Variants in ZBTB20 observed in about 807,000 individuals in gnomAD.
The protein encoded by ZBTB20 is zinc finger and BTB domain-containing protein 20.
In ZBTB20, 9 loss-of-function variants were observed where a neutral mutation model predicts 56.9. That is an observed-to-expected ratio of 0.16 (90% CI 0.10 to 0.28). The LOEUF (loss-of-function observed/expected upper bound fraction) is 0.28. Among genes scored for constraint, ZBTB20 ranks in the 10% least tolerant of loss-of-function variants. ZBTB20 has a pLI of 1.00. For synonymous variants in ZBTB20, 417 were observed against 420.7 expected (o/e 0.99, Z 0.11); for missense variants, 655 against 1,003.0 (o/e 0.65, Z 4.69).
intron 6 of ZBTB20, among the ~76,000 whole-genome samples, chr3:114,536,081 C>T (rs1024179882): frequency 6.6e-6 from 1 of 152,198 alleles, no homozygotes; most frequent in Non-Finnish European, 1.5e-5. Context: ...CCTCTGAAAA[C>T]TAGCACAAGA....
At chr3:114,687,365 T>C (rs1443095043) in intron 6 of ZBTB20, 1 of 149,930 alleles carries the variant, frequency 6.7e-6, no homozygotes, top group African/African-American at 2.4e-5. Context: ...GTACCGGCAC[T>C]AAAAAAAAAT....
chr3:114,646,575 T>C (rs2059851623), intron 6 of ZBTB20, among the ~76,000 whole-genome samples: 1 of 152,224 alleles, frequency 6.6e-6, no homozygotes, highest in Non-Finnish European at 1.5e-5. Flanking sequence ...TTCCAGCTCA[T>C]TGTATATTGG....
chr3:114,787,368 T>TATACACACACACACACAC (rs1433434685), intron 5 of ZBTB20, among the ~76,000 whole-genome samples: 1 of 106,332 alleles, frequency 9.4e-6, no homozygotes, highest in African/African-American at 4.5e-5. Flanking sequence ...TATATATATA[T>TATACACACACACACACAC]ACACACACAC....
At chr3:114,697,061 TAAA>T (rs35130350) in intron 5 of ZBTB20, among the ~76,000 whole-genome samples, 4 of 110,812 alleles carry the variant, frequency 3.6e-5, no homozygotes, top group Admixed American at 9.3e-5. Flanking sequence ...TGTACTTTGT[TAAA>T]AAAAAAAAAA....
intron 6 of ZBTB20, among the ~76,000 whole-genome samples, chr3:114,501,287 C>A (rs1011214569): frequency 7.9e-5 from 12 of 152,286 alleles, no homozygotes; most frequent in African/African-American, 2.9e-4. Context: ...CTGACCCTAA[C>A]AGTGTTCTTG....
intron 5 of ZBTB20, among the ~76,000 whole-genome samples, chr3:114,741,087 C>T (rs2066536584): frequency 6.6e-6 from 1 of 152,174 alleles, no homozygotes; most frequent in Non-Finnish European, 1.5e-5. Flanking sequence ...CGGTTACCAC[C>T]ATGGAACATG....
At chr3:114,853,999 C>A (rs540817678) in intron 4 of ZBTB20, among the ~76,000 whole-genome samples, 1 of 152,254 alleles carries the variant, frequency 6.6e-6, no homozygotes, top group South Asian at 2.1e-4. Context: ...AAAATCTTTA[C>A]AATGAGTTCC....
intron 3 of ZBTB20, among the ~76,000 whole-genome samples, chr3:114,921,180 T>C (rs749294652): frequency 2.0e-5 from 3 of 152,190 alleles, no homozygotes; most frequent in African/African-American, 4.8e-5. Context: ...TGCAGTGCAA[T>C]GGTGTGACCT....
intron 10 of ZBTB20, among the ~76,000 whole-genome samples, chr3:114,374,590 A>G (rs1306547639): frequency 2.0e-5 from 3 of 152,170 alleles, no homozygotes; most frequent in Non-Finnish European, 4.4e-5. Context: ...CAGATGGACC[A>G]TTTTTGTCCT....
At chr3:114,713,427 C>T (rs1285328051) in intron 5 of ZBTB20, among the ~76,000 whole-genome samples, 1 of 152,092 alleles carries the variant, frequency 6.6e-6, no homozygotes, top group African/African-American at 2.4e-5. Context: ...AAAGATTAAA[C>T]TCCAAAAGTA....
intron 3 of ZBTB20, among the ~76,000 whole-genome samples, chr3:114,928,222 G>A (rs1239592864): frequency 6.6e-6 from 1 of 152,324 alleles, no homozygotes; most frequent in East Asian, 1.9e-4. Flanking sequence ...AGCTTTATCT[G>A]TCGTCTGAGG....
chr3:114,522,865 A>C (rs1481316541), intron 6 of ZBTB20, among the ~76,000 whole-genome samples: 1 of 152,152 alleles, frequency 6.6e-6, no homozygotes, highest in Non-Finnish European at 1.5e-5. Context: ...TGGTATGTCA[A>C]GTTTGAGATG....
intron 5 of ZBTB20, among the ~76,000 whole-genome samples, chr3:114,755,121 T>C (rs1217957239): frequency 6.6e-6 from 1 of 152,170 alleles, no homozygotes; most frequent in Admixed American, 6.5e-5. Context: ...AATCCTGATA[T>C]AGGTAATCCC....
rs1404284254 is a variant in ZBTB20, at chr3:114,319,308, T to A, written c.*19697A>T. On this transcript the variant is annotated 3_prime_UTR_variant, in exon 12 of 12. Transcript: ENST00000675478. ...AAAAATGTAGAAAAAATTCCAACAATTTTTTTCCTCTCCTAAACATTAACC... is the reference window on the plus strand; with the variant it reads ...AAAAATGTAGAAAAAATTCCAACAAATTTTTTCCTCTCCTAAACATTAACC... 6.6e-6 allele frequency: 1 copy of A among 152,092 alleles called. No individual in the cohort carries two copies. Among genetic ancestry groups the A allele is most frequent in the African/African-American group, 2.4e-5 (1 of 41,410 alleles). 9.4% of individuals were successfully genotyped at this position (152,092 alleles called of 1,614,324 possible). A position where few individuals can be genotyped will look rare whatever the true frequency, so the allele number is the denominator to read the frequency against.
intron 4 of ZBTB20, among the ~76,000 whole-genome samples, chr3:114,852,059 A>ATT (rs1201506925): frequency 6.6e-6 from 1 of 151,948 alleles, no homozygotes; most frequent in Non-Finnish European, 1.5e-5. Flanking sequence ...CTTATTCACA[A>ATT]TTGTGGTAAT....
chr3:115,068,805 C>T lies in ZBTB20; in HGVS notation c.-507+2414G>A, dbSNP rs538991167. 1.2e-4 allele frequency among the ~76,000 whole-genome samples: 18 copies of T among 152,004 alleles called. No individual in the cohort carries two copies. In the East Asian group the frequency reaches 3.1e-3, roughly 26 times the overall value. On this transcript the variant is annotated intron_variant, in intron 2 of 11. Transcript: ENST00000675478. Reference sequence around the variant, plus strand: ...AAATGTTTCAAATTCCACTTTGCTACCTACTTGCTTTATTTTTTAAAAAAT... The same window carrying T: ...AAATGTTTCAAATTCCACTTTGCTATCTACTTGCTTTATTTTTTAAAAAAT...
At chr3:114,372,099 A>T (rs1055871956) in intron 10 of ZBTB20, among the ~76,000 whole-genome samples, 1 of 152,226 alleles carries the variant, frequency 6.6e-6, no homozygotes, top group Non-Finnish European at 1.5e-5. Context: ...TAAGGGCAGT[A>T]GTGCATGTGG....
intron 6 of ZBTB20, among the ~76,000 whole-genome samples, chr3:114,678,343 C>T (rs2061758020): frequency 6.6e-6 from 1 of 152,082 alleles, no homozygotes; most frequent in Non-Finnish European, 1.5e-5. Context: ...TTAAAATGCA[C>T]ACATAAAATG....
intron 4 of ZBTB20, among the ~76,000 whole-genome samples, chr3:114,891,668 A>G (rs929936296): frequency 6.6e-6 from 1 of 152,248 alleles, no homozygotes; most frequent in Non-Finnish European, 1.5e-5. Context: ...GGATATTGAT[A>G]ACACTTAACG....
Sources: gnomAD v4.1 joint callset for allele counts (sites outside exome capture counted in the v4.1 genomes callset) on GRCh38, gnomAD v4.1.1 for gene constraint, MANE v1.5 for transcripts, NCBI Gene and HGNC (gene_info 2026-07-23, HGNC 2026-07-21) for gene names.